Variants in TENT2 observed in about 807,000 individuals in gnomAD.
TENT2 encodes the protein poly(A) RNA polymerase GLD2.
A neutral mutation model predicts 72.2 loss-of-function variants in TENT2; 44 were observed. That is an observed-to-expected ratio of 0.61 (90% CI 0.48 to 0.78). The LOEUF (loss-of-function observed/expected upper bound fraction) is 0.78. TENT2 is among the 30% of genes least tolerant of loss of function. TENT2 has a pLI of 0.00. For synonymous variants in TENT2, 212 were observed against 192.5 expected, an observed-to-expected ratio of 1.10 and a Z score of -0.84; for missense variants, 541 against 569.6, an observed-to-expected ratio of 0.95 and a Z score of 0.51.
At chr5:79,647,243 T>C (rs1396171825) in intron 8 of TENT2, among the ~76,000 whole-genome samples, 1 of 152,220 alleles carries the variant, frequency 6.6e-6, no homozygotes, top group African/African-American at 2.4e-5. Flanking sequence ...TTTTAGATAA[T>C]ATAAATAAGT....
chr5:79,656,854 G>T, intron 10 of TENT2, 104 bp from the exon 11 acceptor site: 1 of 676,318 alleles, frequency 1.5e-6, no homozygotes, highest in Non-Finnish European at 2.5e-6. Flanking sequence ...TTGAATTTTA[G>T]CATAAACCCT....
intron 11 of TENT2, among the ~76,000 whole-genome samples, chr5:79,658,093 C>A (rs780308268): frequency 1.3e-5 from 2 of 152,154 alleles, no homozygotes; most frequent in African/African-American, 2.4e-5. Flanking sequence ...TTTAATACAG[C>A]CCTGCTGTGG....
rs1157483890 is a variant in TENT2 at position 79,640,839 on chromosome 5, G to A, written c.466-12G>A. 5.8e-6 allele frequency: 9 copies of A among 1,555,734 alleles called. No homozygotes were observed. Among genetic ancestry groups the A allele is most frequent in the East Asian group, 2.3e-5 (1 of 43,754 alleles). The stretch of plus-strand genomic sequence containing the variant: ...GAACAAAACTTTTACTTTTTTTTGC[G>A]GTGGATTCAAGTTGAGTCAGCAGAT... On this transcript the variant is annotated splice_polypyrimidine_tract_variant and intron_variant, in intron 4 of 14. Transcript: ENST00000453514.
At chr5:79,680,041 T>G (rs902229195) in intron 13 of TENT2, among the ~76,000 whole-genome samples, 1 of 152,188 alleles carries the variant, frequency 6.6e-6, no homozygotes, top group African/African-American at 2.4e-5. Context: ...GTTGGACTTT[T>G]ATTAATAGAA....
intron 8 of TENT2, among the ~76,000 whole-genome samples, chr5:79,647,290 T>G (rs1789876350): frequency 6.6e-6 from 1 of 152,196 alleles, no homozygotes; most frequent in Non-Finnish European, 1.5e-5. Context: ...TGAGGATCAC[T>G]TTTTTAGTAT....
chr5:79,616,138 C>T (rs867135689), intron 1 of TENT2, among the ~76,000 whole-genome samples: 3 of 151,278 alleles, frequency 2.0e-5, no homozygotes, highest in Non-Finnish European at 2.9e-5. Context: ...CTGCCCACCT[C>T]GGCCTCCCAG....
intron 10 of TENT2, among the ~76,000 whole-genome samples, chr5:79,654,637 A>G (rs1246854692): frequency 6.6e-6 from 1 of 151,522 alleles, no homozygotes; most frequent in African/African-American, 2.4e-5. Context: ...GGTGGTGCAC[A>G]CTTGTCATCC....
At chr5:79,615,714 T>C (rs1759215671) in intron 1 of TENT2, among the ~76,000 whole-genome samples, 1 of 149,270 alleles carries the variant, frequency 6.7e-6, no homozygotes, top group Admixed American at 6.6e-5. Context: ...TTTTTCTTTT[T>C]TTTTTTTGTT....
At chr5:79,654,449 A>C (rs1435673297) in intron 10 of TENT2, among the ~76,000 whole-genome samples, 2 of 152,006 alleles carry the variant, frequency 1.3e-5, no homozygotes, top group African/African-American at 2.4e-5. Flanking sequence ...AAAAGTAATG[A>C]AAAAGGTAAG....
intron 4 of TENT2, among the ~76,000 whole-genome samples, chr5:79,629,178 T>C (rs749169651): frequency 5.3e-5 from 8 of 152,234 alleles, no homozygotes; most frequent in South Asian, 2.1e-4. Flanking sequence ...GTGACAGTTA[T>C]AATTCTACAG....
chr5:79,625,704 G>C (rs1167166848), intron 4 of TENT2, among the ~76,000 whole-genome samples: 2 of 151,594 alleles, frequency 1.3e-5, no homozygotes, highest in Non-Finnish European at 2.9e-5. Context: ...TGAAAAAACT[G>C]TTCTTTTCTC....
intron 10 of TENT2, among the ~76,000 whole-genome samples, chr5:79,656,718 G>C (rs1393156790): frequency 6.6e-6 from 1 of 151,920 alleles, no homozygotes; most frequent in Admixed American, 6.5e-5. Context: ...CTAAAACCAT[G>C]TGAGGAACAT....
rs1476420825 is a variant in TENT2 at position 79,686,075 on chromosome 5, A to G, written c.*802A>G. On this transcript the variant is annotated 3_prime_UTR_variant, in exon 15 of 15. Coordinates refer to ENST00000453514, the MANE Select transcript of TENT2 (RefSeq NM_001114394.3). The stretch of plus-strand genomic sequence containing the variant: ...AATGTGCACTTCTGTTTTACTTGCC[A>G]TTTTCCTGCTCTGTTTTCTCTGTGA... The G allele has an allele frequency of 7.9e-5, 12 of 152,482 alleles. No individual in the cohort carries two copies. Among genetic ancestry groups the G allele is most frequent in the African/African-American group, 2.9e-4 (12 of 41,418 alleles). The allele number at this position is 152,482 out of a possible 1,614,324, so 9.4% of individuals were successfully genotyped here.
intron 12 of TENT2, among the ~76,000 whole-genome samples, chr5:79,669,839 T>C (rs1811534459): frequency 6.6e-6 from 1 of 152,098 alleles, no homozygotes; most frequent in South Asian, 2.1e-4. Flanking sequence ...TCCGTTTACA[T>C]AATTGTTATC....
At chr5:79,642,971 T>C in intron 7 of TENT2, 61 bp downstream of exon 7, 1 of 1,581,228 alleles carries the variant, frequency 6.3e-7, no homozygotes, top group Non-Finnish European at 8.6e-7. Context: ...AAAATGCCTC[T>C]TACATTATCT....
intron 14 of TENT2, among the ~76,000 whole-genome samples, chr5:79,683,776 C>T (rs1444981118): frequency 7.3e-5 from 11 of 150,252 alleles, no homozygotes; most frequent in Admixed American, 7.3e-4. Flanking sequence ...AAAAATTAGC[C>T]GGGTGTAGTG....
rs1783936736 is a variant in TENT2, at chr5:79,640,885, G to A, written c.500G>A (p.Cys167Tyr). 1.2e-5 allele frequency: 20 copies of A among 1,611,136 alleles called. No homozygotes were observed. Among genetic ancestry groups the A allele is most frequent in the Non-Finnish European group, 1.7e-5 (20 of 1,178,930 alleles). Residue 167 changes from cysteine (C) to tyrosine (Y), a missense_variant, in exon 5 of 15, where the codon TGT (cysteine) becomes TAT (tyrosine). Physicochemically the swap from Cys to Tyr is radical, Grantham distance 194. Coordinates refer to ENST00000453514, the MANE Select transcript of TENT2 (RefSeq NM_001114394.3). ...CAGATACTGGAGTTATTTGAAACATGTCAGCAGCAAATAAGTGATTTAAAG... is the reference window on the plus strand; with the variant it reads ...CAGATACTGGAGTTATTTGAAACATATCAGCAGCAAATAAGTGATTTAAAG... Reference protein sequence around the residue: ...SQQILELFETCQQQISDLKKK... With the variant: ...SQQILELFETYQQQISDLKKK...
chr5:79,648,409 G>T (rs915847441), intron 8 of TENT2, among the ~76,000 whole-genome samples: 2 of 152,118 alleles, frequency 1.3e-5, no homozygotes, highest in Non-Finnish European at 1.5e-5. Flanking sequence ...TATATTTTCA[G>T]TACTCATCAG....
At chr5:79,677,338 A>G (rs1249035357) in intron 12 of TENT2, among the ~76,000 whole-genome samples, 2 of 152,236 alleles carry the variant, frequency 1.3e-5, no homozygotes, top group Non-Finnish European at 2.9e-5. Flanking sequence ...TAAAATGAAT[A>G]TATCTATTAA....
Sources: gnomAD v4.1 joint callset for allele counts (sites outside exome capture counted in the v4.1 genomes callset) on GRCh38, gnomAD v4.1.1 for gene constraint, MANE v1.5 for transcripts, NCBI Gene and HGNC (gene_info 2026-07-23, HGNC 2026-07-21) for gene names.